ATRX: variants seen among roughly 807,000 people sequenced by gnomAD.
ATRX encodes the protein ATRX chromatin remodeler, also known as chromatin remodeler ATRX.
Under a neutral mutation model 172.6 loss-of-function variants are expected in ATRX, and 12 were observed. The observed-to-expected ratio is 0.07, with a 90% CI of 0.04 to 0.11. The LOEUF is 0.11. ATRX is among the 10% of genes least tolerant of loss of function. The probability of loss-of-function intolerance (pLI) is 1.00; values close to 1 mark genes in which losing one functional copy is unlikely to be tolerated. For missense variants in ATRX, 1,368 were observed against 1,767.4 expected (o/e 0.77, Z 4.05); for synonymous variants, 674 against 594.7 (o/e 1.13, Z -1.94).
At chrX:77,532,578 C>T (rs1296954200) in intron 30 of ATRX, among the ~76,000 whole-genome samples, 2 of 111,941 alleles carry the variant, frequency 1.8e-5, no homozygotes, top group Admixed American at 9.5e-5. Context: ...GCTAGGAGAA[C>T]AGGCAAGCCA....
At chrX:77,589,785 T>C (rs1412139479) in intron 27 of ATRX, 49 bp downstream of exon 27, 7 of 1,060,376 alleles carry the variant, frequency 6.6e-6, no homozygotes, top group East Asian at 6.1e-5. Context: ...GTATGGTATG[T>C]TTAAATCAGT....
chrX:77,590,021 A>G lies in ATRX; in HGVS notation c.6111-81T>C, dbSNP rs567584031. The G allele has an allele frequency of 6.2e-5, 53 of 849,585 alleles. No homozygotes were observed. In the South Asian group the frequency reaches 1.1e-3, roughly 18 times the overall value. 70.0% of individuals were successfully genotyped at this position (849,585 alleles called of 1,213,427 possible). On this transcript the variant is annotated intron_variant, in intron 26 of 34. Transcript: ENST00000373344. ...TCTTCCTAAATCGATCTACAAATTTAACACAATTGTAACAAAAATCCCAGC... is the reference window on the plus strand; with the variant it reads ...TCTTCCTAAATCGATCTACAAATTTGACACAATTGTAACAAAAATCCCAGC...
At chrX:77,522,455 T>C (rs2063262611) in intron 31 of ATRX, 67 bp from the exon 32 acceptor site, 1 of 1,111,882 alleles carries the variant, frequency 9.0e-7, no homozygotes, top group Non-Finnish European at 1.2e-6. Flanking sequence ...CATCACCTAC[T>C]GGTTTAGAAA....
intron 27 of ATRX, among the ~76,000 whole-genome samples, chrX:77,583,470 G>A (rs1193051067): frequency 1.8e-5 from 2 of 110,518 alleles, no homozygotes; most frequent in African/African-American, 6.6e-5. Context: ...ACTGCGGTGA[G>A]CCAAGATCAC....
intron 2 of ATRX, among the ~76,000 whole-genome samples, chrX:77,709,491 C>A (rs913436962): frequency 9.0e-6 from 1 of 110,510 alleles, no homozygotes; most frequent in African/African-American, 3.3e-5. Context: ...GGGCTTAATA[C>A]CTAAGTGATG....
At chrX:77,745,506 T>C (rs1557184452) in intron 1 of ATRX, among the ~76,000 whole-genome samples, 1 of 111,788 alleles carries the variant, frequency 8.9e-6, no homozygotes, top group Non-Finnish European at 1.9e-5. Flanking sequence ...AAACTTCACA[T>C]GTTCTCACTT....
chrX:77,733,900 T>C (rs1195467015), intron 1 of ATRX, among the ~76,000 whole-genome samples: 2 of 95,516 alleles, frequency 2.1e-5, no homozygotes, highest in African/African-American at 7.9e-5. Flanking sequence ...ATAAATAAAA[T>C]AAATAAAATA....
chrX:77,732,139 G>A (rs2074323690), intron 1 of ATRX, among the ~76,000 whole-genome samples: 1 of 111,710 alleles, frequency 9.0e-6, no homozygotes, highest in South Asian at 3.7e-4. Context: ...GCTGTGCACA[G>A]GCCTGCTCCT....
rs912591816 is a variant in ATRX, at chrX:77,618,962, A to G, written c.5292T>C (p.Phe1764=). The G allele has an allele frequency of 4.3e-6, 5 of 1,150,556 alleles. No individual in the cohort carries two copies. The East Asian group carries it at 1.5e-4, about 34-fold the overall frequency. 94.8% of individuals were successfully genotyped at this position (1,150,556 alleles called of 1,213,427 possible). Residue 1764 remains phenylalanine (F), a synonymous_variant, in exon 21 of 35, where the codon TTT becomes TTC. Transcript: ENST00000373344. ...TGGATCCAAGTAAATTTTCCTTGAT[A>G]AAATTAACCATACAATGATCTAAGA... The part of the protein sequence containing the change: ...NLIEYHCMVN[F]IKENLLGSIK...
intron 6 of ATRX, chrX:77,691,285 G>A (rs1334778538): frequency 8.9e-6 from 1 of 112,049 alleles, no homozygotes; most frequent in African/African-American, 3.2e-5. Context: ...TTTTACTTAA[G>A]TGAGATCTGA....
intron 1 of ATRX, among the ~76,000 whole-genome samples, chrX:77,775,420 T>G (rs1379369947): frequency 9.0e-6 from 1 of 111,700 alleles, no homozygotes; most frequent in Non-Finnish European, 1.9e-5. Flanking sequence ...TGGTGGCTCA[T>G]GCCTATAATC....
Position 77,512,454 on chromosome X carries a change from CTTTG to C in ATRX, c.7201-3829_7201-3826del, listed in dbSNP as rs782224833. 7.1e-5 allele frequency among the ~76,000 whole-genome samples: 8 copies of C among 112,808 alleles called. No homozygotes were observed. In the East Asian group the frequency reaches 1.7e-3, roughly 24 times the overall value. On this transcript the variant is annotated intron_variant, in intron 34 of 34. Transcript: ENST00000373344. ...TAGTTTTCTCTTTGCTTGTTTGTTACTTTGTTTGCTTGTTTATGCAATCAGTGTT... is the reference window on the plus strand; with the variant it reads ...TAGTTTTCTCTTTGCTTGTTTGTTACTTTGCTTGTTTATGCAATCAGTGTT...
At chrX:77,757,835 C>G (rs1226400602) in intron 1 of ATRX, among the ~76,000 whole-genome samples, 4 of 108,999 alleles carry the variant, frequency 3.7e-5, no homozygotes, top group Non-Finnish European at 3.8e-5. Flanking sequence ...CCACGCTCAG[C>G]TAATTTTTGT....
chrX:77,704,642 G>A (rs2072715927), intron 2 of ATRX, among the ~76,000 whole-genome samples: 1 of 112,320 alleles, frequency 8.9e-6, no homozygotes. Context: ...GCTTCCCTAT[G>A]TTTGTCAGTA....
intron 15 of ATRX, among the ~76,000 whole-genome samples, chrX:77,644,335 A>C (rs1557112588): frequency 8.9e-6 from 1 of 112,666 alleles, no homozygotes; most frequent in Non-Finnish European, 1.9e-5. Flanking sequence ...CTCTTTGAAA[A>C]AATAATGTGG....
Position 77,600,460 on chromosome X carries a change from G to A in ATRX, c.5671C>T (p.Leu1891=), listed in dbSNP as rs2066633897. The change falls in exon 23 of 35, where the codon CTA becomes TTA. Residue 1891 remains leucine, a synonymous_variant. Transcript: ENST00000373344. The stretch of plus-strand genomic sequence containing the variant: ...TTATTTTCTTTGCTAATGTAGTCTA[G>A]CTGCAAACACCAAGGATGAGTCCAT... ...RIWTHPWCLQ[L]DYISKENKGY... is the part of the protein sequence containing the mutation. The A allele has an allele frequency of 8.3e-7, 1 of 1,210,338 alleles. No homozygotes were observed. Among genetic ancestry groups the A allele is most frequent in the African/African-American group, 1.7e-5 (1 of 57,701 alleles).
At chrX:77,657,620 C>T (rs1187803338) in intron 12 of ATRX, among the ~76,000 whole-genome samples, 1 of 111,085 alleles carries the variant, frequency 9.0e-6, no homozygotes, top group Non-Finnish European at 1.9e-5. Context: ...ATAAATAATG[C>T]AATAAATAAA....
chrX:77,600,237 T>C (rs1195729467), intron 23 of ATRX, among the ~76,000 whole-genome samples, 197 bp downstream of exon 23: 3 of 111,843 alleles, frequency 2.7e-5, no homozygotes, highest in African/African-American at 9.7e-5. Context: ...AAATAAAAAG[T>C]TTTTTAAAAT....
rs1467581272 is a variant in ATRX, at chrX:77,528,053, G to C, written c.6700-4652C>G. Among the ~76,000 whole-genome samples, 4 of 107,077 alleles carry C rather than the reference G, an allele frequency of 3.7e-5. No individual in the cohort carries two copies. In the Admixed American group the frequency reaches 4.0e-4, roughly 11 times the overall value. The allele number at this position is 107,077 out of a possible 115,157, so 93.0% of individuals were successfully genotyped here. A position where few individuals can be genotyped will look rare whatever the true frequency, so the allele number is the denominator to read the frequency against. ...GAGCTGGGGGTGGTGGGGGGGTGGG[G>C]GGCGGCTGATATCTCTGTGGTTTCT... is the stretch of plus-strand genomic sequence containing the variant. On this transcript the variant is annotated intron_variant, in intron 30 of 34. Transcript: ENST00000373344.
Sources: gnomAD v4.1 joint callset for allele counts (sites outside exome capture counted in the v4.1 genomes callset) on GRCh38, gnomAD v4.1.1 for gene constraint, MANE v1.5 for transcripts, NCBI Gene and HGNC (gene_info 2026-07-23, HGNC 2026-07-21) for gene names.